ARMC3: variants seen among roughly 807,000 people sequenced by gnomAD.
The protein encoded by ARMC3 is armadillo repeat containing 3, also known as armadillo repeat-containing protein 3.
ARMC3 carries 74 observed loss-of-function variants against 90.3 expected under a neutral mutation model. The observed-to-expected ratio is 0.82, with a 90% CI of 0.68 to 0.99. The LOEUF (loss-of-function observed/expected upper bound fraction) is 0.99. Among genes scored for constraint, ARMC3 ranks in the 50% least tolerant of loss-of-function variants. The probability of loss-of-function intolerance (pLI) is 0.00; values close to 1 mark genes in which losing one functional copy is unlikely to be tolerated. For missense variants in ARMC3, 958 were observed against 1,042.8 expected, an observed-to-expected ratio of 0.92 and a Z score of 1.12; for synonymous variants, 334 against 361.8, an observed-to-expected ratio of 0.92 and a Z score of 0.87.
chr10:22,949,496 C>A (rs991277121), intron 3 of ARMC3, among the ~76,000 whole-genome samples: 1 of 152,116 alleles, frequency 6.6e-6, no homozygotes, highest in Non-Finnish European at 1.5e-5. Flanking sequence ...TTGATTAATG[C>A]AGTTTGGACA....
intron 4 of ARMC3, among the ~76,000 whole-genome samples, chr10:22,958,085 C>G (rs1343042527): frequency 6.6e-6 from 1 of 151,932 alleles, no homozygotes; most frequent in Non-Finnish European, 1.5e-5. Flanking sequence ...ACACACAAAC[C>G]TTTGTAATAT....
intron 16 of ARMC3, among the ~76,000 whole-genome samples, chr10:23,030,248 A>C (rs1450170846): frequency 6.6e-6 from 1 of 152,212 alleles, no homozygotes; most frequent in Non-Finnish European, 1.5e-5. Flanking sequence ...AATTGGTTTC[A>C]TGAAGCCCTA....
intron 16 of ARMC3, among the ~76,000 whole-genome samples, chr10:23,012,227 T>G (rs939116356): frequency 6.6e-6 from 1 of 152,212 alleles, no homozygotes; most frequent in Non-Finnish European, 1.5e-5. Flanking sequence ...CAGCTATAGT[T>G]TGCTTTATTG....
At chr10:22,993,351 A>G (rs10828391) in intron 10 of ARMC3, among the ~76,000 whole-genome samples, 119,218 of 152,184 alleles carry the variant, frequency 0.78, 46,881 homozygotes, top group Non-Finnish European at 0.8. Flanking sequence ...AAAGTGTAAA[A>G]TTTTATTTCT....
chr10:23,015,813 G>C (rs925445630), intron 16 of ARMC3, among the ~76,000 whole-genome samples: 5 of 152,110 alleles, frequency 3.3e-5, no homozygotes, highest in Admixed American at 6.5e-5. Flanking sequence ...AACAGATATT[G>C]TCTCTTAGTC....
At position 22,998,392 on chromosome 10, in the gene ARMC3, A is replaced by G; in HGVS notation, c.1420A>G (p.Thr474Ala). Residue 474 changes from threonine (T) to alanine (A), a missense_variant, in exon 11 of 19, where the codon ACT (threonine) becomes GCT (alanine). Thr to Ala is a moderately conservative substitution (Grantham distance 58). Transcript: ENST00000298032. ...TATACDVEAR[T>A]ELRNSGGLEP... ...AACTGCGTGTGACGTTGAAGCCCGGACTGAGGTGAGAATTTTAATAACATG... is the reference window on the plus strand; with the variant it reads ...AACTGCGTGTGACGTTGAAGCCCGGGCTGAGGTGAGAATTTTAATAACATG... The G allele has an allele frequency of 2.5e-6, 4 of 1,613,908 alleles. No homozygotes were observed. Among genetic ancestry groups the G allele is most frequent in the Non-Finnish European group, 3.4e-6 (4 of 1,179,888 alleles).
intron 6 of ARMC3, chr10:22,960,571 T>C (rs893169209): frequency 7.9e-5 from 12 of 152,246 alleles, no homozygotes; most frequent in African/African-American, 2.9e-4. Context: ...TGATTAAATA[T>C]TCCTGTGTGT....
chr10:22,943,252 G>C (rs1021411967), intron 2 of ARMC3, among the ~76,000 whole-genome samples: 2 of 152,066 alleles, frequency 1.3e-5, no homozygotes, highest in Non-Finnish European at 2.9e-5. Context: ...TGTTTATTTT[G>C]ATCATTGACT....
rs547764585 is a variant in ARMC3 at position 22,976,371 on chromosome 10, A to G, written c.917-4969A>G. On this transcript the variant is annotated intron_variant, in intron 8 of 18. Transcript: ENST00000298032. The stretch of plus-strand genomic sequence containing the variant: ...CATTCTGCCAAAATAGTCCTTGTAC[A>G]ATTTGACGTTGACCTCTCAACTCCG... Among the ~76,000 whole-genome samples, 7 of 152,250 alleles carry G rather than the reference A, an allele frequency of 4.6e-5. No homozygotes were observed. In the East Asian group the frequency reaches 1.4e-3, roughly 29 times the overall value.
intron 3 of ARMC3, chr10:22,946,507 A>G (rs1219042459): frequency 7.0e-6 from 2 of 283,714 alleles, no homozygotes; most frequent in Non-Finnish European, 1.3e-5. Context: ...TAGTTTTAGA[A>G]ATTGTAAATG....
At chr10:23,000,998 C>A (rs1416657861) in intron 11 of ARMC3, among the ~76,000 whole-genome samples, 3 of 151,856 alleles carry the variant, frequency 2.0e-5, no homozygotes, top group Non-Finnish European at 2.9e-5. Flanking sequence ...CTATCCAATT[C>A]TTTTCTTTTT....
chr10:22,931,862 A>C (rs1250332892), intron 1 of ARMC3, 134 bp from the exon 2 acceptor site: 4 of 683,346 alleles, frequency 5.9e-6, no homozygotes, highest in Non-Finnish European at 9.8e-6. Flanking sequence ...ATATGTGATA[A>C]TTTTTACATG....
At chr10:22,992,398 G>A (rs1244239603) in intron 10 of ARMC3, among the ~76,000 whole-genome samples, 3 of 151,964 alleles carry the variant, frequency 2.0e-5, no homozygotes, top group African/African-American at 4.8e-5. Context: ...TAATCAATTC[G>A]GTTTCACATA....
intron 2 of ARMC3, among the ~76,000 whole-genome samples, chr10:22,943,222 G>A (rs970048122): frequency 2.6e-5 from 4 of 151,962 alleles, no homozygotes; most frequent in African/African-American, 9.7e-5. Context: ...AGCCTTAGTT[G>A]GATTTATTTA....
Position 23,008,393 on chromosome 10 carries a change from A to G in ARMC3, c.1928+19A>G. On this transcript the variant is annotated intron_variant, in intron 15 of 18. Coordinates refer to ENST00000298032, the MANE Select transcript of ARMC3 (RefSeq NM_173081.5). ...AGAACAAGTAAGAAAATGATGTTTT[A>G]TCTGTATGCAAACAGCTTCCCCTTT... 2 of 1,282,370 alleles carry G rather than the reference A, an allele frequency of 1.6e-6. No individual in the cohort carries two copies. The highest frequency in any genetic ancestry group is 1.1e-6 in the Non-Finnish European group (1 of 914,898). The allele number at this position is 1,282,370 out of a possible 1,614,324, so 79.4% of individuals were successfully genotyped here. A position where few individuals can be genotyped will look rare whatever the true frequency, so the allele number is the denominator to read the frequency against.
intron 10 of ARMC3, among the ~76,000 whole-genome samples, chr10:22,985,794 C>G (rs1836393788): frequency 6.6e-6 from 1 of 152,114 alleles, no homozygotes; most frequent in Non-Finnish European, 1.5e-5. Context: ...TAAAATATAT[C>G]CTGGAAGTAA....
chr10:22,952,673 CTG>C (rs1270904733), intron 3 of ARMC3, among the ~76,000 whole-genome samples: 1 of 152,170 alleles, frequency 6.6e-6, no homozygotes, highest in Admixed American at 6.5e-5. Flanking sequence ...CCTATTCATT[CTG>C]TGAAGCCACC....
chr10:22,931,913 A>G (rs1029156035), intron 1 of ARMC3, 83 bp from the exon 2 acceptor site: 4 of 1,216,150 alleles, frequency 3.3e-6, no homozygotes, highest in Non-Finnish European at 4.7e-6. Flanking sequence ...TAAAGGAGAA[A>G]ATAAACCTCC....
In ARMC3 at chr10:22,955,838, T is replaced by C. The variant is rs1834915439; in HGVS notation, c.198T>C (p.Leu66=). ...AAAATAAAACAACCCTCCTTGAACTTGGAGCTGTGGAACCTTTAACTAAGC... is the reference window on the plus strand; with the variant it reads ...AAAATAAAACAACCCTCCTTGAACTCGGAGCTGTGGAACCTTTAACTAAGC... The part of the protein sequence containing the change: ...GEENKTTLLE[L]GAVEPLTKLL... Residue 66 remains leucine (L), a synonymous_variant, in exon 4 of 19, where the codon CTT becomes CTC. Coordinates refer to ENST00000298032, the MANE Select transcript of ARMC3 (RefSeq NM_173081.5). 1.2e-6 allele frequency: 2 copies of C among 1,613,894 alleles called. No homozygotes were observed.
Sources: allele counts gnomAD v4.1 joint callset (sites outside exome capture counted in the v4.1 genomes callset), GRCh38; gene constraint gnomAD v4.1.1; transcripts MANE v1.5; gene names NCBI Gene and HGNC (gene_info 2026-07-23, HGNC 2026-07-21).